PLD1: variants seen among roughly 807,000 people sequenced by gnomAD.
PLD1 encodes choline phosphatase 1.
A neutral mutation model predicts 137.1 loss-of-function variants in PLD1; 112 were observed. That is an observed-to-expected ratio of 0.82 (90% CI 0.70 to 0.96). PLD1 has a LOEUF of 0.96. Ranked by LOEUF, PLD1 falls within the 40% of genes least tolerant of loss-of-function variation. PLD1 has a pLI of 0.00. For synonymous variants in PLD1, 431 were observed against 454.7 expected, an observed-to-expected ratio of 0.95 and a Z score of 0.66; for missense variants, 1,321 against 1,342.0, an observed-to-expected ratio of 0.98 and a Z score of 0.24.
chr3:171,624,803 T>C (rs1241376770), intron 23 of PLD1, among the ~76,000 whole-genome samples: 1 of 152,224 alleles, frequency 6.6e-6, no homozygotes, highest in South Asian at 2.1e-4. Flanking sequence ...TGCAGTATAT[T>C]TTTTTGTGAA....
intron 1 of PLD1, among the ~76,000 whole-genome samples, chr3:171,748,628 T>C (rs1720435765): frequency 6.6e-6 from 1 of 152,088 alleles, no homozygotes; most frequent in African/African-American, 2.4e-5. Flanking sequence ...CTAGTAGACA[T>C]AGCACAATTT....
chr3:171,671,639 TAAG>T (rs1712769476), intron 19 of PLD1, among the ~76,000 whole-genome samples: 1 of 152,172 alleles, frequency 6.6e-6, no homozygotes, highest in African/African-American at 2.4e-5. Flanking sequence ...TGGAAACAGA[TAAG>T]AATGCATAAA....
intron 1 of PLD1, among the ~76,000 whole-genome samples, chr3:171,751,738 C>T (rs1044002754): frequency 3.9e-5 from 6 of 152,174 alleles, no homozygotes; most frequent in Admixed American, 3.3e-4. Flanking sequence ...CGGTGGCTCA[C>T]GCCTGTAATC....
intron 1 of PLD1, among the ~76,000 whole-genome samples, chr3:171,768,595 A>G (rs1047925583): frequency 3.3e-5 from 5 of 152,190 alleles, no homozygotes; most frequent in Admixed American, 6.5e-5. Flanking sequence ...TAATACCACT[A>G]CTACTCCTAG....
rs1182599418 is a variant in PLD1, at chr3:171,601,628, T to G, written c.*1450A>C. 6.6e-6 allele frequency: 1 copy of G among 152,218 alleles called. No individual in the cohort carries two copies. The highest frequency in any genetic ancestry group is 1.5e-5 in the Non-Finnish European group (1 of 68,048). 9.4% of individuals were successfully genotyped at this position (152,218 alleles called of 1,614,324 possible). A position where few individuals can be genotyped will look rare whatever the true frequency, so the allele number is the denominator to read the frequency against. On this transcript the variant is annotated 3_prime_UTR_variant, in exon 27 of 27. Coordinates refer to ENST00000351298, the MANE Select transcript of PLD1 (RefSeq NM_002662.5). The stretch of plus-strand genomic sequence containing the variant: ...ACCCCTATCCCTGACTTTGTGCTCC[T>G]GTTTAATTTTTCCAACTGAAGTATT...
At position 171,810,208 on chromosome 3, in the gene PLD1, C is replaced by A. The variant is rs369742123; in HGVS notation, c.-32+191G>T. Among the ~76,000 whole-genome samples, 5 of 152,366 alleles carry A rather than the reference C, an allele frequency of 3.3e-5. No individual in the cohort carries two copies. The South Asian group carries it at 6.2e-4, about 19-fold the overall frequency. On this transcript the variant is annotated intron_variant, in intron 1 of 26. Transcript: ENST00000351298. ...GCTTTCACCCTGCAGGAATTCCACC[C>A]GAAGGCGTGCGAGGGAGGCCCTTGG...
chr3:171,709,925 G>A (rs538801660), intron 9 of PLD1, among the ~76,000 whole-genome samples: 1 of 152,270 alleles, frequency 6.6e-6, no homozygotes, highest in Non-Finnish European at 1.5e-5. Context: ...ATGCAAACAT[G>A]CATAAAGGTA....
chr3:171,786,322 A>C lies in PLD1; in HGVS notation c.-32+24077T>G, dbSNP rs770044218. On this transcript the variant is annotated intron_variant, in intron 1 of 26. Coordinates refer to ENST00000351298, the MANE Select transcript of PLD1 (RefSeq NM_002662.5). ...CATTTATCCCTGGCTGAACTAATAA[A>C]AGTGAATTTCTGAGTCCAGGAAGAT... is the stretch of plus-strand genomic sequence containing the variant. 3.4e-4 allele frequency among the ~76,000 whole-genome samples: 52 copies of C among 152,270 alleles called. No individual in the cohort carries two copies. The Middle Eastern group carries it at 0.014, about 40-fold the overall frequency.
chr3:171,807,492 A>G (rs1183500033), intron 1 of PLD1, among the ~76,000 whole-genome samples: 1 of 152,234 alleles, frequency 6.6e-6, no homozygotes, highest in African/African-American at 2.4e-5. Context: ...ATGCCACTAC[A>G]TGTACACTTA....
chr3:171,745,730 G>A (rs563582328), intron 1 of PLD1, among the ~76,000 whole-genome samples: 26 of 152,298 alleles, frequency 1.7e-4, no homozygotes, highest in African/African-American at 6.0e-4. Context: ...AGGTGACAAC[G>A]TGCTAGCAGT....
chr3:171,602,109 A>G lies in PLD1; in HGVS notation c.*969T>C, dbSNP rs371626908. On this transcript the variant is annotated 3_prime_UTR_variant, in exon 27 of 27. Coordinates refer to ENST00000351298, the MANE Select transcript of PLD1 (RefSeq NM_002662.5). ...CTGATTCTCTTGAAAGACAAACTGTATTCACTAGTTTGATTTTGAAATGTA... is the reference window on the plus strand; with the variant it reads ...CTGATTCTCTTGAAAGACAAACTGTGTTCACTAGTTTGATTTTGAAATGTA... 4 of 152,330 alleles carry G rather than the reference A, an allele frequency of 2.6e-5. No homozygotes were observed. In the South Asian group the frequency reaches 8.3e-4, roughly 32 times the overall value. The allele number at this position is 152,330 out of a possible 1,614,324, so 9.4% of individuals were successfully genotyped here. A position where few individuals can be genotyped will look rare whatever the true frequency, so the allele number is the denominator to read the frequency against.
At chr3:171,730,795 C>T (rs1298822129) in intron 6 of PLD1, among the ~76,000 whole-genome samples, 2 of 152,122 alleles carry the variant, frequency 1.3e-5, no homozygotes, top group East Asian at 1.9e-4. Context: ...CCCACCACCA[C>T]GCCTAGCTAA....
chr3:171,772,025 C>T (rs1722382289), intron 1 of PLD1, among the ~76,000 whole-genome samples: 2 of 152,140 alleles, frequency 1.3e-5, no homozygotes, highest in East Asian at 1.9e-4. Flanking sequence ...AACTTAATAC[C>T]ACTCACTAAG....
At chr3:171,808,240 A>G (rs973161298) in intron 1 of PLD1, among the ~76,000 whole-genome samples, 2 of 146,114 alleles carry the variant, frequency 1.4e-5, no homozygotes, top group Non-Finnish European at 3.0e-5. Flanking sequence ...TCAAATTATT[A>G]AAAAAAAAAA....
chr3:171,701,204 A>C (rs1182424863), intron 11 of PLD1, among the ~76,000 whole-genome samples: 1 of 152,256 alleles, frequency 6.6e-6, no homozygotes, highest in Non-Finnish European at 1.5e-5. Context: ...AGACAAATGG[A>C]AGAGTTTGGA....
rs148707502 is a variant in PLD1, at chr3:171,769,206, G to A, written c.-31-31124C>T. Among the ~76,000 whole-genome samples the A allele has an allele frequency of 2.6e-5, 4 of 152,106 alleles. No individual in the cohort carries two copies. In the East Asian group the frequency reaches 7.7e-4, roughly 29 times the overall value. On this transcript the variant is annotated intron_variant, in intron 1 of 26. Transcript: ENST00000351298. The stretch of plus-strand genomic sequence containing the variant: ...ACATTATTTTTGTTTCGAATCTGTG[G>A]TCTTTGCTTTGTTACCATCTCTAGA...
At chr3:171,633,484 G>T (rs1734850247) in intron 23 of PLD1, among the ~76,000 whole-genome samples, 1 of 152,114 alleles carries the variant, frequency 6.6e-6, no homozygotes, top group African/African-American at 2.4e-5. Flanking sequence ...GGGGCCTGTT[G>T]CGGGGATGGG....
At chr3:171,636,256 C>T (rs760871379) in intron 23 of PLD1, among the ~76,000 whole-genome samples, 37 of 151,994 alleles carry the variant, frequency 2.4e-4, no homozygotes, top group South Asian at 8.3e-4. Flanking sequence ...TTTGGCAATG[C>T]TAAATGCCTT....
intron 1 of PLD1, chr3:171,789,456 G>C (rs1406989129): frequency 6.6e-6 from 1 of 152,206 alleles, no homozygotes; most frequent in Non-Finnish European, 1.5e-5. Flanking sequence ...CAGAAAGATG[G>C]CTCTGTAAAA....
Sources: allele counts gnomAD v4.1 joint callset (sites outside exome capture counted in the v4.1 genomes callset), GRCh38; gene constraint gnomAD v4.1.1; transcripts MANE v1.5; gene names NCBI Gene and HGNC (gene_info 2026-07-23, HGNC 2026-07-21).